CRACR2A: variants seen among roughly 807,000 people sequenced by gnomAD.
CRACR2A encodes EF-hand calcium-binding domain-containing protein 4B.
Under a neutral mutation model 90.5 loss-of-function variants are expected in CRACR2A, and 79 were observed. The ratio of observed to expected loss-of-function variants is 0.87; its 90% CI spans 0.73 to 1.05. The LOEUF (loss-of-function observed/expected upper bound fraction) is 1.05. CRACR2A is among the 50% of genes least tolerant of loss of function. CRACR2A has a pLI of 0.00. For missense variants in CRACR2A, 823 were observed against 897.2 expected, an observed-to-expected ratio of 0.92 and a Z score of 1.06; for synonymous variants, 338 against 356.7, an observed-to-expected ratio of 0.95 and a Z score of 0.59.
intron 15 of CRACR2A, among the ~76,000 whole-genome samples, chr12:3,631,658 C>G (rs1280753346): frequency 1.3e-5 from 2 of 152,188 alleles, no homozygotes; most frequent in African/African-American, 4.8e-5. Flanking sequence ...TCTTGGGATG[C>G]TCTCAGTCTC....
chr12:3,670,546 C>T (rs1283281419), intron 7 of CRACR2A, among the ~76,000 whole-genome samples: 1 of 152,178 alleles, frequency 6.6e-6, no homozygotes. Context: ...ATTGGGATTT[C>T]CAGTCTCTTG....
chr12:3,660,541 G>A (rs1305700969), intron 7 of CRACR2A, among the ~76,000 whole-genome samples: 3 of 151,934 alleles, frequency 2.0e-5, no homozygotes, highest in South Asian at 2.1e-4. Flanking sequence ...TCATCCCCAC[G>A]GATGACCCTT....
At chr12:3,618,050 G>T (rs180683784) in intron 18 of CRACR2A, among the ~76,000 whole-genome samples, 1 of 152,262 alleles carries the variant, frequency 6.6e-6, no homozygotes, top group East Asian at 1.9e-4. Context: ...GAAGGACATA[G>T]GACTTAGAAC....
chr12:3,616,850 G>C (rs560475140), intron 19 of CRACR2A, 104 bp downstream of exon 19: 2 of 868,348 alleles, frequency 2.3e-6, no homozygotes, highest in South Asian at 1.5e-5. Flanking sequence ...AGGGAGGAAG[G>C]GGGGTCAGAG....
chr12:3,693,853 C>T (rs762341998), intron 4 of CRACR2A, among the ~76,000 whole-genome samples: 5 of 152,296 alleles, frequency 3.3e-5, no homozygotes, highest in Admixed American at 2.0e-4. Flanking sequence ...CTCCTACAGA[C>T]GCTCCCACAT....
intron 6 of CRACR2A, 135 bp downstream of exon 6, chr12:3,678,780 G>A: frequency 1.1e-6 from 1 of 879,210 alleles, no homozygotes; most frequent in South Asian, 2.1e-5. Flanking sequence ...GGCAGAACCA[G>A]CGGGCCTTTA....
intron 10 of CRACR2A, among the ~76,000 whole-genome samples, chr12:3,651,677 C>T (rs912421431): frequency 1.3e-5 from 2 of 152,148 alleles, no homozygotes; most frequent in African/African-American, 2.4e-5. Flanking sequence ...GTTTACCTCC[C>T]AGCTCCACCC....
chr12:3,619,944 G>A (rs2137273633), intron 17 of CRACR2A, among the ~76,000 whole-genome samples: 1 of 152,370 alleles, frequency 6.6e-6, no homozygotes, highest in Non-Finnish European at 1.5e-5. Context: ...ACTGCCATGT[G>A]CCTTGCTGGA....
At chr12:3,704,574 A>T (rs1202175582) in intron 3 of CRACR2A, among the ~76,000 whole-genome samples, 1 of 152,218 alleles carries the variant, frequency 6.6e-6, no homozygotes, top group Non-Finnish European at 1.5e-5. Context: ...GCAGTCTATT[A>T]TATGTCAATA....
At chr12:3,748,171 G>A (rs887682154) in intron 1 of CRACR2A, among the ~76,000 whole-genome samples, 5 of 152,154 alleles carry the variant, frequency 3.3e-5, no homozygotes, top group Non-Finnish European at 1.5e-5. Context: ...AAGTTCTCAG[G>A]CCCAGCCTCA....
intron 2 of CRACR2A, among the ~76,000 whole-genome samples, chr12:3,714,890 C>T (rs932175300): frequency 6.6e-6 from 1 of 152,230 alleles, no homozygotes; most frequent in African/African-American, 2.4e-5. Context: ...CTCGAGGTTA[C>T]ATAGAAAATG....
At chr12:3,721,572 C>T (rs1946175887) in intron 2 of CRACR2A, among the ~76,000 whole-genome samples, 1 of 130,608 alleles carries the variant, frequency 7.7e-6, no homozygotes, top group Non-Finnish European at 1.6e-5. Context: ...GCAACAGAGT[C>T]TCAATCATGT....
In CRACR2A at chr12:3,648,574, C is replaced by T; in HGVS notation, c.1086G>A (p.Lys362=). The T allele has an allele frequency of 6.2e-7, 1 of 1,614,192 alleles. No homozygotes were observed. The highest frequency in any genetic ancestry group is 8.5e-7 in the Non-Finnish European group (1 of 1,180,028). Residue 362 remains lysine (K), a synonymous_variant, in exon 11 of 20, where the codon AAG becomes AAA. Transcript: ENST00000440314. ...AATCCAGCTGCTTGAGGAGCCCGGC[C>T]TTCTCACGCTGTAGACTCTCCGTCA... ...YRVTESLQRE[K]AGLLKQLDFL...
intron 4 of CRACR2A, among the ~76,000 whole-genome samples, chr12:3,682,058 C>T (rs1203615416): frequency 1.3e-5 from 2 of 152,144 alleles, no homozygotes; most frequent in South Asian, 2.1e-4. Context: ...TAGGAGAACA[C>T]GGGTGAGGAG....
chr12:3,724,795 T>C (rs995895808), intron 2 of CRACR2A, among the ~76,000 whole-genome samples: 8 of 152,246 alleles, frequency 5.3e-5, no homozygotes, highest in Non-Finnish European at 8.8e-5. Flanking sequence ...GACCCTTACA[T>C]TGATGGACAA....
chr12:3,655,578 T>C (rs1944887899), intron 9 of CRACR2A, among the ~76,000 whole-genome samples: 2 of 152,216 alleles, frequency 1.3e-5, no homozygotes, highest in African/African-American at 4.8e-5. Flanking sequence ...AGTGGCACCC[T>C]AGCCTGTCTC....
intron 13 of CRACR2A, chr12:3,640,840 T>A (rs1944553370): frequency 1.5e-6 from 2 of 1,298,282 alleles, no homozygotes; most frequent in Non-Finnish European, 2.0e-6. Context: ...TGTCTCTCAA[T>A]GAGCAATGAG....
chr12:3,651,883 C>T (rs974988472), intron 10 of CRACR2A, among the ~76,000 whole-genome samples: 13 of 152,164 alleles, frequency 8.5e-5, no homozygotes, highest in Admixed American at 6.5e-4. Flanking sequence ...AGCATCAAAG[C>T]CCTCTCCATC....
At chr12:3,735,033 A>G (rs1013507950) in intron 1 of CRACR2A, among the ~76,000 whole-genome samples, 1 of 152,118 alleles carries the variant, frequency 6.6e-6, no homozygotes, top group African/African-American at 2.4e-5. Flanking sequence ...ACATACACAA[A>G]AATGGTAACT....
Sources: gnomAD v4.1 joint callset for allele counts (sites outside exome capture counted in the v4.1 genomes callset) on GRCh38, gnomAD v4.1.1 for gene constraint, MANE v1.5 for transcripts, NCBI Gene and HGNC (gene_info 2026-07-23, HGNC 2026-07-21) for gene names.